The following RBFOX1 variants were observed in gnomAD, a reference collection of about 807,000 sequenced individuals.
The protein encoded by RBFOX1 is RNA binding fox-1 homolog 1.
Under a neutral mutation model 57.7 loss-of-function variants are expected in RBFOX1, and 8 were observed. The ratio of observed to expected loss-of-function variants is 0.14; its 90% confidence interval spans 0.08 to 0.25. The LOEUF is 0.25. Among genes scored for constraint, RBFOX1 ranks in the 10% least tolerant of loss-of-function variants. The pLI, the probability that RBFOX1 is intolerant of heterozygous loss-of-function variation, is 1.00. For missense variants in RBFOX1, 611 were observed against 548.5 expected, an observed-to-expected ratio of 1.11 and a Z score of -1.14; for synonymous variants, 326 against 222.4, an observed-to-expected ratio of 1.47 and a Z score of -4.15.
In RBFOX1 at chr16:5,688,593, AC is replaced by A. The variant is rs2050574182; in HGVS notation, c.318+89633del. Reference sequence around the variant, plus strand: ...TGCAGTTGGTCTGGTCCCAACATGAACTGGATGGGTGATGGCCTGAACTGGA... The same window carrying A: ...TGCAGTTGGTCTGGTCCCAACATGAATGGATGGGTGATGGCCTGAACTGGA... On this transcript the variant is annotated intron_variant, in intron 3 of 19. Transcript: ENST00000641259. 2.6e-5 allele frequency among the ~76,000 whole-genome samples: 4 copies of A among 151,964 alleles called. No homozygotes were observed. The South Asian group carries it at 8.3e-4, about 31-fold the overall frequency.
intron 3 of RBFOX1, among the ~76,000 whole-genome samples, chr16:6,779,752 C>T (rs189431731): frequency 0.56 from 5,231 of 9,288 alleles, 1,540 homozygotes; most frequent in East Asian, 0.89. Flanking sequence ...TTTATATATA[C>T]TTTTATATAT....
Position 6,180,671 on chromosome 16 carries a change from T to C in RBFOX1, c.-126-136324T>C, listed in dbSNP as rs1251451861. On this transcript the variant is annotated intron_variant, in intron 1 of 15. Transcript: ENST00000550418. ...ATCTCCACCTCCTGGGTTCAAGTGA[T>C]TCTCCTGCCTCAGCCTCCTGAGTAG... Among the ~76,000 whole-genome samples, 7 of 152,078 alleles carry C rather than the reference T, an allele frequency of 4.6e-5. No individual in the cohort carries two copies. In the East Asian group the frequency reaches 1.4e-3, roughly 29 times the overall value.
At chr16:6,476,934 T>A (rs369665039) in intron 2 of RBFOX1, among the ~76,000 whole-genome samples, 2 of 152,244 alleles carry the variant, frequency 1.3e-5, no homozygotes, top group East Asian at 1.9e-4. Context: ...CTTTACTAGA[T>A]GTAGATTCCA....
intron 4 of RBFOX1, among the ~76,000 whole-genome samples, chr16:7,420,296 C>T (rs2098528055): frequency 6.6e-6 from 1 of 152,140 alleles, no homozygotes; most frequent in Non-Finnish European, 1.5e-5. Context: ...CCTTGCCTCC[C>T]AAACATGAGA....
chr16:6,820,224 A>G (rs543149889), intron 3 of RBFOX1, among the ~76,000 whole-genome samples: 1 of 152,284 alleles, frequency 6.6e-6, no homozygotes, highest in Admixed American at 6.5e-5. Context: ...GCCATGTGCA[A>G]CTGTGAGTCG....
chr16:6,556,757 A>G (rs2153894628), intron 2 of RBFOX1, among the ~76,000 whole-genome samples: 1 of 152,238 alleles, frequency 6.6e-6, no homozygotes, highest in South Asian at 2.1e-4. Context: ...GTGGCAGAAA[A>G]TAAATTAATA....
intron 3 of RBFOX1, among the ~76,000 whole-genome samples, chr16:6,856,400 C>A (rs1361703407): frequency 6.6e-6 from 1 of 152,110 alleles, no homozygotes; most frequent in Non-Finnish European, 1.5e-5. Context: ...CTGTTTGAGG[C>A]TAGGATTTAG....
At position 5,978,827 on chromosome 16, in the gene RBFOX1, T is replaced by C. The variant is rs143022920; in HGVS notation, c.351+111492T>C. The stretch of plus-strand genomic sequence containing the variant: ...GTTGTGGGGAACAACACTGCAGAAG[T>C]GAAATGCTCTTCTCATCATATAGCG... On this transcript the variant is annotated intron_variant, in intron 4 of 19. Transcript: ENST00000641259. Among the ~76,000 whole-genome samples, 1,227 of 152,122 alleles carry C rather than the reference T, an allele frequency of 8.1e-3. 15 individuals carry two copies. The highest frequency in any genetic ancestry group is 0.015 in the South Asian group (71 of 4,810).
chr16:7,686,905 G>T (rs895065365), intron 14 of RBFOX1, among the ~76,000 whole-genome samples: 2 of 151,992 alleles, frequency 1.3e-5, no homozygotes, highest in Non-Finnish European at 2.9e-5. Flanking sequence ...GATGAACTTG[G>T]GTTTGAATTT....
chr16:5,781,547 C>T (rs938615811), intron 3 of RBFOX1, among the ~76,000 whole-genome samples: 1 of 152,290 alleles, frequency 6.6e-6, no homozygotes, highest in Non-Finnish European at 1.5e-5. Context: ...TGTAAAGATC[C>T]AAGCAGTAAA....
At chr16:7,198,125 C>T (rs1330537025) in intron 4 of RBFOX1, among the ~76,000 whole-genome samples, 1 of 150,598 alleles carries the variant, frequency 6.6e-6, no homozygotes, top group Non-Finnish European at 1.5e-5. Flanking sequence ...CCTGCCTCAG[C>T]CTCCCAAGTA....
chr16:5,748,855 A>G (rs1210373852), intron 3 of RBFOX1, among the ~76,000 whole-genome samples: 1 of 152,178 alleles, frequency 6.6e-6, no homozygotes, highest in African/African-American at 2.4e-5. Context: ...TAATTGGAGC[A>G]TTTAGCCCAT....
intron 4 of RBFOX1, among the ~76,000 whole-genome samples, chr16:7,467,560 A>T (rs1024816985): frequency 8.5e-5 from 13 of 152,214 alleles, no homozygotes; most frequent in African/African-American, 3.1e-4. Context: ...GTGGGTTCAA[A>T]TCCCAGCTCT....
At chr16:7,155,738 T>TATATAC (rs1364155897) in intron 4 of RBFOX1, among the ~76,000 whole-genome samples, 7 of 75,518 alleles carry the variant, frequency 9.3e-5, no homozygotes, top group African/African-American at 4.3e-4. Context: ...TATATATATA[T>TATATAC]ACACACACAC....
chr16:5,724,071 C>T (rs993744173), intron 3 of RBFOX1, among the ~76,000 whole-genome samples: 1 of 152,154 alleles, frequency 6.6e-6, no homozygotes, highest in African/African-American at 2.4e-5. Context: ...GCAGACTGCT[C>T]ACCACTTGAA....
intron 4 of RBFOX1, among the ~76,000 whole-genome samples, chr16:7,513,739 C>T (rs796367913): frequency 4.6e-5 from 7 of 152,312 alleles, no homozygotes; most frequent in African/African-American, 1.7e-4. Flanking sequence ...AGGTTTTCTT[C>T]TGAGGACCAG....
At chr16:5,780,214 G>T (rs1442481335) in intron 3 of RBFOX1, among the ~76,000 whole-genome samples, 3 of 152,198 alleles carry the variant, frequency 2.0e-5, no homozygotes, top group Non-Finnish European at 4.4e-5. Flanking sequence ...TCTTGGCCAG[G>T]CTGGTCTTGA....
chr16:5,462,060 C>T (rs1396625327), intron 1 of RBFOX1, among the ~76,000 whole-genome samples: 4 of 152,148 alleles, frequency 2.6e-5, no homozygotes, highest in Non-Finnish European at 5.9e-5. Flanking sequence ...CACACCATCA[C>T]TGGCACTAAA....
intron 4 of RBFOX1, among the ~76,000 whole-genome samples, chr16:7,317,763 C>T (rs772614769): frequency 6.6e-6 from 1 of 152,200 alleles, no homozygotes; most frequent in Non-Finnish European, 1.5e-5. Context: ...TCTTATGGGC[C>T]TCCAACTAGC....
Sources: gnomAD v4.1 joint callset for allele counts (sites outside exome capture counted in the v4.1 genomes callset) on GRCh38, gnomAD v4.1.1 for gene constraint, MANE v1.5 for transcripts, NCBI Gene and HGNC (gene_info 2026-07-23, HGNC 2026-07-21) for gene names.